The following SPAG9 variants were observed in gnomAD, a reference collection of about 807,000 sequenced individuals.
SPAG9 encodes C-Jun-amino-terminal kinase-interacting protein 4.
Under a neutral mutation model 166.5 loss-of-function variants are expected in SPAG9, and 35 were observed. The observed-to-expected ratio is 0.21, with a 90% CI of 0.16 to 0.28. The LOEUF (loss-of-function observed/expected upper bound fraction) is 0.28. Ranked by LOEUF, SPAG9 falls within the 10% of genes least tolerant of loss-of-function variation. The pLI is 1.00. For missense variants in SPAG9, 1,235 were observed against 1,603.3 expected, an observed-to-expected ratio of 0.77 and a Z score of 3.92; for synonymous variants, 534 against 565.5, an observed-to-expected ratio of 0.94 and a Z score of 0.79.
chr17:50,995,495 T>C lies in SPAG9; in HGVS notation c.2007A>G (p.Leu669=). 1 of 1,612,162 alleles carries C rather than the reference T, an allele frequency of 6.2e-7. No individual in the cohort carries two copies. The highest frequency in any genetic ancestry group is 8.5e-7 in the Non-Finnish European group (1 of 1,178,370). Residue 669 remains leucine (L), a synonymous_variant, in exon 17 of 30, where the codon TTA becomes TTG. Coordinates refer to ENST00000262013, the MANE Select transcript of SPAG9 (RefSeq NM_001130528.3). ...NGQGENKMKN[L]PVPVYLRPLD... ...GAGGTCTGAGATAGACAGGCACAGG[T>C]AAATTTTTCATCTTATTTTCACCTT... is the stretch of plus-strand genomic sequence containing the variant.
rs752460529 is a variant in SPAG9, at chr17:50,998,537, G to A, written c.1745C>T (p.Thr582Met). The change falls in exon 15 of 30, where the codon ACG (threonine) becomes ATG (methionine). Residue 582 changes from threonine (T) to methionine (M), a missense_variant. Physicochemically the swap from Thr to Met is moderately conservative, Grantham distance 81 (BLOSUM62 -1). Transcript: ENST00000262013. The part of the protein sequence containing the change: ...PPVNLKYNAP[T>M]SHVTPSVKKR... ...CTTGACGGACGGAGTAACATGAGAC[G>A]TGGGTGCATTGTACTTCAGATTAAC... 138 of 1,613,992 alleles carry A rather than the reference G, an allele frequency of 8.6e-5. No individual in the cohort carries two copies. The highest frequency in any genetic ancestry group is 1.1e-4 in the Non-Finnish European group (124 of 1,179,978).
chr17:50,973,409 C>A (rs1458249380), intron 28 of SPAG9, among the ~76,000 whole-genome samples: 1 of 151,930 alleles, frequency 6.6e-6, no homozygotes. Context: ...TACCAGCAAT[C>A]CCATTTCTAG....
chr17:51,080,898 A>C (rs1257479424), intron 1 of SPAG9, among the ~76,000 whole-genome samples: 1 of 150,524 alleles, frequency 6.6e-6, no homozygotes, highest in Non-Finnish European at 1.5e-5. Flanking sequence ...AAAAAAAAAA[A>C]AAAAAAAAAA....
chr17:50,998,975 C>T (rs910675947), intron 14 of SPAG9, among the ~76,000 whole-genome samples: 3 of 152,124 alleles, frequency 2.0e-5, no homozygotes, highest in East Asian at 1.9e-4. Context: ...ATTGTTAAAC[C>T]GCAAGGTTAT....
intron 19 of SPAG9, among the ~76,000 whole-genome samples, chr17:50,991,094 A>T (rs991036424): frequency 4.6e-5 from 7 of 151,292 alleles, no homozygotes; most frequent in African/African-American, 1.7e-4. Context: ...TTTGGTAGAG[A>T]CAGGGTTTCG....
At chr17:51,061,870 T>C (rs993136931) in intron 2 of SPAG9, among the ~76,000 whole-genome samples, 9 of 152,142 alleles carry the variant, frequency 5.9e-5, no homozygotes, top group Admixed American at 5.2e-4. Flanking sequence ...TTTTGCTAAA[T>C]TTACTTCCAT....
chr17:51,102,775 A>G (rs1352268837), intron 1 of SPAG9, among the ~76,000 whole-genome samples: 1 of 152,090 alleles, frequency 6.6e-6, no homozygotes, highest in African/African-American at 2.4e-5. Flanking sequence ...AAGTGCTGAG[A>G]TTACAGGCAT....
intron 12 of SPAG9, among the ~76,000 whole-genome samples, chr17:51,004,300 T>C (rs193255479): frequency 3.9e-5 from 6 of 152,330 alleles, no homozygotes; most frequent in Admixed American, 2.6e-4. Flanking sequence ...TTATGATTCA[T>C]AACCTGCATG....
At position 51,120,414 on chromosome 17, in the gene SPAG9, G is replaced by A. The variant is rs199930832; in HGVS notation, c.243C>T (p.Asp81=). The A allele has an allele frequency of 7.4e-6, 12 of 1,612,388 alleles. No individual in the cohort carries two copies. In the East Asian group the frequency reaches 2.5e-4, roughly 33 times the overall value. ...HQVELELLRD[D]NEQLITQYER... ...CGTACTGGGTGATGAGCTGCTCGTTGTCGTCCCGCAGCAGCTCCAGCTCCA... is the reference window on the plus strand; with the variant it reads ...CGTACTGGGTGATGAGCTGCTCGTTATCGTCCCGCAGCAGCTCCAGCTCCA... The change falls in exon 1 of 30, where the codon GAC becomes GAT. Residue 81 remains aspartate (D), a synonymous_variant. Coordinates refer to ENST00000262013, the MANE Select transcript of SPAG9 (RefSeq NM_001130528.3). This position sits in a 1 kb window ranked among gnomAD's most constrained non-coding sequence, Gnocchi z 4.7.
intron 1 of SPAG9, among the ~76,000 whole-genome samples, chr17:51,087,099 A>G (rs1460683798): frequency 6.6e-6 from 1 of 152,216 alleles, no homozygotes. Context: ...AGAAAAAGTA[A>G]CAAGTGACTG....
At chr17:51,101,345 CAAAAAAAAAAAAA>C (rs60896400) in intron 1 of SPAG9, among the ~76,000 whole-genome samples, 34 of 92,000 alleles carry the variant, frequency 3.7e-4, no homozygotes, top group African/African-American at 1.5e-3. Flanking sequence ...GATTCTGTCT[CAAAAAAAAAAAAA>C]AAAAAAAAAA....
intron 28 of SPAG9, among the ~76,000 whole-genome samples, chr17:50,971,662 G>A (rs1052486536): frequency 4.0e-5 from 6 of 151,654 alleles, no homozygotes; most frequent in Admixed American, 2.6e-4. Context: ...GGGTTTCACC[G>A]TGTTAGCCAG....
intron 2 of SPAG9, among the ~76,000 whole-genome samples, chr17:51,073,846 T>C (rs2047891071): frequency 6.6e-6 from 1 of 152,204 alleles, no homozygotes; most frequent in Non-Finnish European, 1.5e-5. Context: ...CTCACGCCTG[T>C]AATCCCAACA....
chr17:50,969,361 A>T (rs1047820152), intron 29 of SPAG9, among the ~76,000 whole-genome samples: 4 of 152,124 alleles, frequency 2.6e-5, no homozygotes, highest in Non-Finnish European at 5.9e-5. Flanking sequence ...TCCTGTTGAC[A>T]GTCCTGAGCT....
At chr17:51,095,940 T>C (rs1247688531) in intron 1 of SPAG9, among the ~76,000 whole-genome samples, 1 of 124,740 alleles carries the variant, frequency 8.0e-6, no homozygotes, top group Non-Finnish European at 1.6e-5. Context: ...TATATAGTGA[T>C]ATAGTTATAT....
chr17:51,061,781 C>T (rs2047526569), intron 2 of SPAG9, among the ~76,000 whole-genome samples: 1 of 151,932 alleles, frequency 6.6e-6, no homozygotes, highest in South Asian at 2.1e-4. Flanking sequence ...TCATTTTGTT[C>T]TCCTTAAGCA....
chr17:51,092,935 C>G (rs143179895), intron 1 of SPAG9, among the ~76,000 whole-genome samples: 122 of 151,706 alleles, frequency 8.0e-4, no homozygotes, highest in African/African-American at 2.8e-3. Flanking sequence ...AAGCAAATGT[C>G]TCTTAAAAAA....
Position 51,014,316 on chromosome 17 carries a change from G to C in SPAG9, c.1129C>G (p.Arg377Gly). 1 of 1,613,268 alleles carries C rather than the reference G, an allele frequency of 6.2e-7. No homozygotes were observed. Among genetic ancestry groups the C allele is most frequent in the Non-Finnish European group, 8.5e-7 (1 of 1,179,400 alleles). ...TCTTCAAAGAGAGATTCTGTATTGC[G>C]ATCAAAAGCTTTGTTCTCTATGCCT... ...TKGIENKAFDRNTESLFEELS... is the reference protein window; with the variant it reads ...TKGIENKAFDGNTESLFEELS... Residue 377 changes from arginine (R) to glycine (G), a missense_variant, in exon 9 of 30, where the codon CGC becomes GGC. Physicochemically the swap from Arg to Gly is moderately radical, Grantham distance 125. Transcript: ENST00000262013.
At chr17:51,009,270 A>G in intron 9 of SPAG9, 1 of 368,234 alleles carries the variant, frequency 2.7e-6, no homozygotes, top group Non-Finnish European at 5.3e-6. Context: ...ATGTAGAGAA[A>G]CCATTAACTA....
Sources: allele counts gnomAD v4.1 joint callset (sites outside exome capture counted in the v4.1 genomes callset), GRCh38; gene constraint gnomAD v4.1.1; non-coding constraint Gnocchi (gnomAD v3.1); transcripts MANE v1.5; gene names NCBI Gene and HGNC (gene_info 2026-07-23, HGNC 2026-07-21).